The following EPB41L1 variants were observed in gnomAD, a reference collection of about 807,000 sequenced individuals.
The protein encoded by EPB41L1 is band 4.1-like protein 1.
In EPB41L1, 29 loss-of-function variants were observed where a neutral mutation model predicts 97.8. The observed-to-expected ratio is 0.30, with a 90% CI of 0.22 to 0.40. The LOEUF (loss-of-function observed/expected upper bound fraction) is 0.40. EPB41L1 is among the 10% of genes least tolerant of loss of function. EPB41L1 has a pLI of 1.00. For synonymous variants in EPB41L1, 383 were observed against 459.2 expected, an observed-to-expected ratio of 0.83 and a Z score of 2.12; for missense variants, 812 against 1,162.3, an observed-to-expected ratio of 0.70 and a Z score of 4.38.
At chr20:36,211,224 TA>T (rs2063113381) in intron 15 of EPB41L1, among the ~76,000 whole-genome samples, 1 of 151,494 alleles carries the variant, frequency 6.6e-6, no homozygotes, top group African/African-American at 2.4e-5. Flanking sequence ...TTGTCTCTAC[TA>T]AAAATACAAA....
intron 5 of EPB41L1, among the ~76,000 whole-genome samples, chr20:36,179,979 AGTGT>A (rs1177684237): frequency 6.6e-6 from 1 of 152,042 alleles, no homozygotes; most frequent in Non-Finnish European, 1.5e-5. Flanking sequence ...TAGGCAGCCG[AGTGT>A]GTGGTGTTTG....
chr20:36,140,640 G>C lies in EPB41L1; in HGVS notation c.-10+28160G>C, dbSNP rs963265301. On this transcript the variant is annotated intron_variant, in intron 2 of 19. Coordinates refer to the EPB41L1 transcript ENST00000202028. ...TTTCAGAAATGCAAAAATAAAATTG[G>C]AATGGACTAGAATTCATGCCCTAGG... Among the ~76,000 whole-genome samples, 14 of 152,156 alleles carry C rather than the reference G, an allele frequency of 9.2e-5. 1 individual carries two copies. The highest frequency in any genetic ancestry group is 3.4e-4 in the African/African-American group (14 of 41,436).
chr20:36,229,536 A>G lies in EPB41L1; in HGVS notation c.*196A>G, dbSNP rs17093446. ...TAGATATATATACAGGAAACACCGC[A>G]TCCTTGCACTGCTGCTGGGGCTGGC... On this transcript the variant is annotated 3_prime_UTR_variant, in exon 22 of 22. Transcript: ENST00000338074. 0.043 allele frequency: 20,666 copies of G among 484,872 alleles called. 3,337 individuals carry two copies. Among genetic ancestry groups the G allele is most frequent in the African/African-American group, 0.35 (18,239 of 51,548 alleles). 30.0% of individuals were successfully genotyped at this position (484,872 alleles called of 1,614,324 possible). A position where few individuals can be genotyped will look rare whatever the true frequency, so the allele number is the denominator to read the frequency against.
At chr20:36,153,564 T>C (rs906994303), upstream of EPB41L1, among the ~76,000 whole-genome samples, 2 of 152,138 alleles carry the variant, frequency 1.3e-5, no homozygotes, top group African/African-American at 2.4e-5. Flanking sequence ...GTCATATGGG[T>C]TGCAGTGGAC....
Position 36,212,930 on chromosome 20 carries a change from C to T in EPB41L1, c.2184+554C>T, listed in dbSNP as rs924630314. Among the ~76,000 whole-genome samples, 2 of 152,188 alleles carry T rather than the reference C, an allele frequency of 1.3e-5. No homozygotes were observed. The highest frequency in any genetic ancestry group is 2.4e-5 in the African/African-American group (1 of 41,440). On this transcript the variant is annotated intron_variant, in intron 16 of 21. Coordinates refer to ENST00000338074, the MANE Select transcript of EPB41L1 (RefSeq NM_012156.2). This position sits in a 1 kb window ranked among gnomAD's most constrained non-coding sequence, Gnocchi z 4.8. ...AGCATCCTGACCACCTGGAGAAAGC[C>T]GTCAGGCATAGGCACAGGCCCACGA... is the stretch of plus-strand genomic sequence containing the variant.
At chr20:36,124,369 G>A (rs992427729) in intron 2 of EPB41L1, among the ~76,000 whole-genome samples, 2 of 152,202 alleles carry the variant, frequency 1.3e-5, no homozygotes, top group African/African-American at 4.8e-5. Flanking sequence ...ATGGCGTTCA[G>A]AGCCCTGAGT....
upstream of EPB41L1, among the ~76,000 whole-genome samples, chr20:36,154,222 G>A (rs1416212757): frequency 2.0e-5 from 3 of 152,270 alleles, no homozygotes; most frequent in Admixed American, 6.5e-5. The surrounding 1 kb of genome is among the most constrained non-coding windows in gnomAD (Gnocchi z 5.5). Context: ...TGCTGCAGGG[G>A]TGGTGAGGGG....
At chr20:36,149,116 T>C (rs1027452918) in intron 2 of EPB41L1, among the ~76,000 whole-genome samples, 3 of 152,094 alleles carry the variant, frequency 2.0e-5, no homozygotes, top group African/African-American at 7.2e-5. Flanking sequence ...TGCATGTCAT[T>C]CTCATAGCTC....
chr20:36,232,627 C>G lies in EPB41L1; in HGVS notation c.*3287C>G, dbSNP rs2064540978. The G allele has an allele frequency of 2.5e-6, 1 of 397,972 alleles. No individual in the cohort carries two copies. Among genetic ancestry groups the G allele is most frequent in the Non-Finnish European group, 4.4e-6 (1 of 225,876 alleles). The allele number at this position is 397,972 out of a possible 1,614,324, so 24.7% of individuals were successfully genotyped here. On this transcript the variant is annotated 3_prime_UTR_variant, in exon 22 of 22. Coordinates refer to ENST00000338074, the MANE Select transcript of EPB41L1 (RefSeq NM_012156.2). ...CATCACTCGAAATAATTTTTTTTTT[C>G]AAAAGCACCTTAACAACCAATTGCG...
intron 9 of EPB41L1, 81 bp downstream of exon 9, chr20:36,188,580 CAACACA>C (rs1569252941): frequency 1.9e-6 from 1 of 532,268 alleles, no homozygotes; most frequent in African/African-American, 3.2e-5. Flanking sequence ...CCTGGACTGC[CAACACA>C]CACACACACA....
intron 1 of EPB41L1, among the ~76,000 whole-genome samples, chr20:36,099,872 CT>C (rs1441865580): frequency 6.6e-6 from 1 of 152,178 alleles, no homozygotes; most frequent in Non-Finnish European, 1.5e-5. Flanking sequence ...CTGGAGTGGG[CT>C]CTGCATATGT....
In EPB41L1 at chr20:36,197,987, G is replaced by C; in HGVS notation, c.1614G>C (p.Leu538=). 2 of 1,613,994 alleles carry C rather than the reference G, an allele frequency of 1.2e-6. No individual in the cohort carries two copies. Among genetic ancestry groups the C allele is most frequent in the Non-Finnish European group, 1.7e-6 (2 of 1,180,012 alleles). ...RDRDWERERR[L]PSSPASPSPK... ...GAGACTGGGAACGGGAGCGCAGGCTGCCCTCCTCCCCCGCCTCCCCCTCCC... is the reference window on the plus strand; with the variant it reads ...GAGACTGGGAACGGGAGCGCAGGCTCCCCTCCTCCCCCGCCTCCCCCTCCC... The change falls in exon 14 of 22, where the codon CTG becomes CTC. Residue 538 remains leucine, a synonymous_variant. Coordinates refer to ENST00000338074, the MANE Select transcript of EPB41L1 (RefSeq NM_012156.2).
upstream of EPB41L1, among the ~76,000 whole-genome samples, chr20:36,154,337 G>GC (rs1339183889): frequency 6.6e-6 from 1 of 152,130 alleles, no homozygotes; most frequent in Non-Finnish European, 1.5e-5. This position sits in a 1 kb window ranked among gnomAD's most constrained non-coding sequence, Gnocchi z 5.5. Flanking sequence ...TCGCTGATGA[G>GC]CCCCCAAGAG....
chr20:36,106,316 G>C (rs1270225104), intron 1 of EPB41L1, among the ~76,000 whole-genome samples: 1 of 152,210 alleles, frequency 6.6e-6, no homozygotes, highest in African/African-American at 2.4e-5. Flanking sequence ...TGGGAGATTT[G>C]GGCACCCTGA....
At chr20:36,143,230 A>C (rs1367490386) in intron 2 of EPB41L1, among the ~76,000 whole-genome samples, 1 of 150,452 alleles carries the variant, frequency 6.6e-6, no homozygotes, top group Non-Finnish European at 1.5e-5. Context: ...TTGACCTCTG[A>C]GCCAGGGCTT....
chr20:36,159,607 G>A (rs1353161476), intron 1 of EPB41L1, among the ~76,000 whole-genome samples: 3 of 152,212 alleles, frequency 2.0e-5, no homozygotes, highest in Non-Finnish European at 4.4e-5. Flanking sequence ...TTGCTCAGTG[G>A]TTTGCAAATA....
chr20:36,215,844 T>G (rs1445000007), intron 17 of EPB41L1, among the ~76,000 whole-genome samples: 3 of 152,202 alleles, frequency 2.0e-5, no homozygotes, highest in Non-Finnish European at 2.9e-5. Context: ...ATGAGCACCT[T>G]TAATGTGCTG....
At chr20:36,124,529 G>GCTTAGGTTCCCTCTGCTTAGAATT (rs1176781196) in intron 2 of EPB41L1, among the ~76,000 whole-genome samples, 2 of 152,136 alleles carry the variant, frequency 1.3e-5, no homozygotes, top group African/African-American at 4.8e-5. Context: ...CTTTACACAT[G>GCTTAGGTTCCCTCTGCTTAGAATT]CTTAGGTTCC....
intron 2 of EPB41L1, among the ~76,000 whole-genome samples, chr20:36,118,251 C>T (rs1479041551): frequency 6.6e-6 from 1 of 151,928 alleles, no homozygotes; most frequent in Non-Finnish European, 1.5e-5. Context: ...ACTTGGGAGG[C>T]TGAGGCAGGA....
Sources: gnomAD v4.1 joint callset for allele counts (sites outside exome capture counted in the v4.1 genomes callset) on GRCh38, gnomAD v4.1.1 for gene constraint, Gnocchi (gnomAD v3.1) non-coding constraint, MANE v1.5 for transcripts, NCBI Gene and HGNC (gene_info 2026-07-23, HGNC 2026-07-21) for gene names.